GK2: variants seen among roughly 807,000 people sequenced by gnomAD.
GK2 encodes the protein ATP:glycerol 3-phosphotransferase 2.
GK2 carries 10 observed loss-of-function variants against 9.5 expected under a neutral mutation model. That is an observed-to-expected ratio of 1.05 (90% CI 0.65 to 1.78). The LOEUF is 1.78. GK2 is among the 40% of genes most tolerant of loss of function. The probability of loss-of-function intolerance (pLI) is 0.00; values close to 1 mark genes in which losing one functional copy is unlikely to be tolerated. For missense variants in GK2, 643 were observed against 669.0 expected (o/e 0.96, Z 0.43); for synonymous variants, 228 against 229.9 (o/e 0.99, Z 0.07).
rs1482615770 is a variant in GK2, at chr4:79,406,592, C to G, written c.1609G>C (p.Val537Leu). Reference protein sequence around the residue: ...FSSLPLGFFIVSSMVMLIGAR... With the variant: ...FSSLPLGFFILSSMVMLIGAR... ...CCAATTAGCATTACCATGCTACTCACTATAAAAAATCCCAAAGGCAGACTA... is the reference window on the plus strand; with the variant it reads ...CCAATTAGCATTACCATGCTACTCAGTATAAAAAATCCCAAAGGCAGACTA... The change falls in exon 1 of 1, where the codon GTG becomes CTG. Residue 537 changes from valine to leucine, a missense_variant. Coordinates refer to ENST00000358842, the MANE Select transcript of GK2 (RefSeq NM_033214.3). 6.2e-7 allele frequency: 1 copy of G among 1,613,948 alleles called. No individual in the cohort carries two copies. Among genetic ancestry groups the G allele is most frequent in the South Asian group, 1.1e-5 (1 of 91,062 alleles).
chr4:79,407,159 G>A lies in GK2; in HGVS notation c.1042C>T (p.Leu348Phe), dbSNP rs1247494499. Residue 348 changes from leucine to phenylalanine, a missense_variant, in exon 1 of 1, where the codon CTT (leucine) becomes TTT (phenylalanine). Physicochemically the swap from Leu to Phe is conservative, Grantham distance 22 (BLOSUM62 0). Transcript: ENST00000358842. ...TAAGAAGTTCCTACTTCTTTAGCAA[G>A]TCTTTCAATGTCTCCTGAGGTCTCT... is the stretch of plus-strand genomic sequence containing the variant. ...IIETSGDIER[L>F]AKEVGTSYGC... 1 of 1,614,160 alleles carries A rather than the reference G, an allele frequency of 6.2e-7. No homozygotes were observed. The highest frequency in any genetic ancestry group is 1.1e-5 in the South Asian group (1 of 91,086).
chr4:79,406,842 T>C lies in GK2; in HGVS notation c.1359A>G (p.Glu453=). 1 of 1,614,218 alleles carries C rather than the reference T, an allele frequency of 6.2e-7. No individual in the cohort carries two copies. Among genetic ancestry groups the C allele is most frequent in the African/African-American group, 1.3e-5 (1 of 75,052 alleles). The change falls in exon 1 of 1, where the codon GAA becomes GAG. Residue 453 remains glutamate, a synonymous_variant. Transcript: ENST00000358842. ...CCATGGCAGCTCCTAGTGCAGTTGT[T>C]TCAGGCATAAAGGGTTTTATTACTG... ...HIPVIKPFMP[E]TTALGAAMAA...
At position 79,406,790 on chromosome 4, in the gene GK2, C is replaced by T. The variant is rs148945495; in HGVS notation, c.1411G>A (p.Val471Ile). ...MAAGAAEGVS[V>I]WSLEPQALSV... ...AAAGCCTGGGGTTCAAGGCTCCAAA[C>T]GCTTACTCCCTCTGCAGCCCCTGCT... The change falls in exon 1 of 1, where the codon GTT becomes ATT. Residue 471 changes from valine to isoleucine, a missense_variant. Transcript: ENST00000358842. The T allele has an allele frequency of 3.0e-4, 490 of 1,614,186 alleles. 7 individuals carry two copies. The South Asian group carries it at 3.7e-3, about 12-fold the overall frequency.
In GK2 at chr4:79,407,683, G is replaced by A; in HGVS notation, c.518C>T (p.Ala173Val). The change falls in exon 1 of 1, where the codon GCT (alanine) becomes GTT (valine). Residue 173 changes from alanine to valine, a missense_variant. Ala to Val is a moderately conservative substitution (Grantham distance 64, BLOSUM62 0). Transcript: ENST00000358842. ...NVQKAVEEGR[A>V]LFGTIDSWLI... ...CCATGAATCAATGGTACCAAAAAGA[G>A]CTCTACCTTCTTCAACAGCCTTTTG... The A allele has an allele frequency of 5.6e-6, 9 of 1,614,170 alleles. No individual in the cohort carries two copies. The highest frequency in any genetic ancestry group is 7.6e-6 in the Non-Finnish European group (9 of 1,180,028).
chr4:79,407,738 G>A lies in GK2; in HGVS notation c.463C>T (p.Arg155Cys), dbSNP rs1321996211. 2 of 1,614,076 alleles carry A rather than the reference G, an allele frequency of 1.2e-6. No homozygotes were observed. Among genetic ancestry groups the A allele is most frequent in the Non-Finnish European group, 1.7e-6 (2 of 1,179,976 alleles). ...TTTCTCACATTGTCAAGCATCCAAC[G>A]AAGTTTTACTGCACTGAAGTAAGTG... The part of the protein sequence containing the change: ...LSTYFSAVKL[R>C]WMLDNVRNVQ... Residue 155 changes from arginine (R) to cysteine (C), a missense_variant, in exon 1 of 1, where the codon CGT becomes TGT. Arg to Cys is a radical substitution (Grantham distance 180). Transcript: ENST00000358842.
chr4:79,406,673 A>ACTTCATTAC lies in GK2; in HGVS notation c.1519_1527dup (p.Val507_Lys509dup). ...GACTGACTGGTAACCCAACCCATTGACTTCATTACGGCTTTCTTCCATGTG... is the reference window on the plus strand; with the variant it reads ...GACTGACTGGTAACCCAACCCATTGACTTCATTACCTTCATTACGGCTTTCTTCCATGTG... On this transcript the variant is annotated inframe_insertion, in exon 1 of 1. Coordinates refer to ENST00000358842, the MANE Select transcript of GK2 (RefSeq NM_033214.3). The ACTTCATTAC allele has an allele frequency of 6.2e-7, 1 of 1,614,088 alleles. No homozygotes were observed. The highest frequency in any genetic ancestry group is 8.5e-7 in the Non-Finnish European group (1 of 1,179,938).
At position 79,408,038 on chromosome 4, in the gene GK2, G is replaced by C; in HGVS notation, c.163C>G (p.Gln55Glu). ...GACTGAAGAATTTCTTTAGGGTCTT[G>C]TTCCACCCATCCTTCTTTTGGGAAC... is the stretch of plus-strand genomic sequence containing the variant. ...QEFPKEGWVE[Q>E]DPKEILQSVY... The change falls in exon 1 of 1, where the codon CAA (glutamine) becomes GAA (glutamate). Residue 55 changes from glutamine (Q) to glutamate (E), a missense_variant. Physicochemically the swap from Gln to Glu is conservative, Grantham distance 29. Transcript: ENST00000358842. The C allele has an allele frequency of 5.6e-6, 9 of 1,614,176 alleles. No individual in the cohort carries two copies. Among genetic ancestry groups the C allele is most frequent in the Non-Finnish European group, 7.6e-6 (9 of 1,180,006 alleles).
rs1052314 is a variant in GK2 at position 79,406,512 on chromosome 4, C to A, written c.*27G>T. ...ATGCTTTCATTATGTAAAATGTTTA[C>A]ATCTTGGGACTCCATAGCTGGTATT... On this transcript the variant is annotated 3_prime_UTR_variant, in exon 1 of 1. Transcript: ENST00000358842. 1 of 1,326,374 alleles carries A rather than the reference C, an allele frequency of 7.5e-7. No homozygotes were observed. The highest frequency in any genetic ancestry group is 1.1e-6 in the Non-Finnish European group (1 of 929,054). The allele number at this position is 1,326,374 out of a possible 1,614,324, so 82.2% of individuals were successfully genotyped here. A position where few individuals can be genotyped will look rare whatever the true frequency, so the allele number is the denominator to read the frequency against.
rs1355677870 is a variant in GK2, at chr4:79,407,016, A to G, written c.1185T>C (p.Ala395=). 5.0e-6 allele frequency: 8 copies of G among 1,614,132 alleles called. No individual in the cohort carries two copies. In the African/African-American group the frequency reaches 5.3e-5, roughly 11 times the overall value. The change falls in exon 1 of 1, where the codon GCT becomes GCC. Residue 395 remains alanine, a synonymous_variant. Coordinates refer to ENST00000358842, the MANE Select transcript of GK2 (RefSeq NM_033214.3). Reference sequence around the variant, plus strand: ...TTTGGAAACAAACAGCTTCTAATGCAGCAAAAGCAATATGACATTTATTGG... The same window carrying G: ...TTTGGAAACAAACAGCTTCTAATGCGGCAAAAGCAATATGACATTTATTGG... The part of the protein sequence containing the change: ...QFTNKCHIAF[A]ALEAVCFQTR...
chr4:79,407,973 G>A lies in GK2; in HGVS notation c.228C>T (p.Asp76=), dbSNP rs2110046594. Residue 76 remains aspartate (D), a synonymous_variant, in exon 1 of 1, where the codon GAC becomes GAT. Coordinates refer to ENST00000358842, the MANE Select transcript of GK2 (RefSeq NM_033214.3). ...ECIARTCEKL[D]ELNIDISNIK... is the part of the protein sequence containing the mutation. Reference sequence around the variant, plus strand: ...TGTTGGATATATCAATATTCAGTTCGTCAAGTTTCTCACACGTTCTCGCTA... The same window carrying A: ...TGTTGGATATATCAATATTCAGTTCATCAAGTTTCTCACACGTTCTCGCTA... 6.8e-6 allele frequency: 11 copies of A among 1,613,996 alleles called. No individual in the cohort carries two copies. Among genetic ancestry groups the A allele is most frequent in the South Asian group, 1.1e-5 (1 of 91,054 alleles).
At position 79,408,116 on chromosome 4, in the gene GK2, T is replaced by G. The variant is rs933639810; in HGVS notation, c.85A>C (p.Asn29His). 1.2e-6 allele frequency: 2 copies of G among 1,614,062 alleles called. No individual in the cohort carries two copies. Among genetic ancestry groups the G allele is most frequent in the Non-Finnish European group, 1.7e-6 (2 of 1,180,008 alleles). ...GTNSTRFLVF[N>H]SKTAELLSHH... The stretch of plus-strand genomic sequence containing the variant: ...CTAAGTAGTTCCGCTGTTTTTGAAT[T>G]GAAAACCAGAAAGCGAGTGGAGTTG... Residue 29 changes from asparagine (N) to histidine (H), a missense_variant, in exon 1 of 1, where the codon AAT (asparagine) becomes CAT (histidine). Physicochemically the swap from Asn to His is moderately conservative, Grantham distance 68. Coordinates refer to ENST00000358842, the MANE Select transcript of GK2 (RefSeq NM_033214.3).
Position 79,406,740 on chromosome 4 carries a change from A to C in GK2, c.1461T>G (p.Phe487Leu). Reference sequence around the variant, plus strand: ...TTTCTGTGGCCTGGATCTGTGGTTCAAATCGTTCCATCCTGAGAACTGACA... The same window carrying C: ...TTTCTGTGGCCTGGATCTGTGGTTCCAATCGTTCCATCCTGAGAACTGACA... ...QALSVLRMER[F>L]EPQIQATESE... The change falls in exon 1 of 1, where the codon TTT (phenylalanine) becomes TTG (leucine). Residue 487 changes from phenylalanine (F) to leucine (L), a missense_variant. Coordinates refer to ENST00000358842, the MANE Select transcript of GK2 (RefSeq NM_033214.3). 1 of 1,614,218 alleles carries C rather than the reference A, an allele frequency of 6.2e-7. No individual in the cohort carries two copies. Among genetic ancestry groups the C allele is most frequent in the Non-Finnish European group, 8.5e-7 (1 of 1,180,038 alleles).
Position 79,406,464 on chromosome 4 carries a change from A to G in GK2, c.*75T>C. 1.2e-6 allele frequency: 1 copy of G among 860,574 alleles called. No individual in the cohort carries two copies. Among genetic ancestry groups the G allele is most frequent in the South Asian group, 1.7e-5 (1 of 59,020 alleles). 53.3% of individuals were successfully genotyped at this position (860,574 alleles called of 1,614,324 possible). ...AATCAGAGTCTATAATAGTGTCATT[A>G]TATTAAGAGGCAGAACTGCTATATG... On this transcript the variant is annotated 3_prime_UTR_variant, in exon 1 of 1. Transcript: ENST00000358842.
chr4:79,407,470 T>G lies in GK2; in HGVS notation c.731A>C (p.Lys244Thr). 6.2e-7 allele frequency: 1 copy of G among 1,614,180 alleles called. No individual in the cohort carries two copies. The highest frequency in any genetic ancestry group is 1.1e-5 in the South Asian group (1 of 91,086). ...TGGCACACCTTCCAGGGCTCCAGTT[T>G]TAATTAGGCCATAGATCTCAGAAGA... ...FSSSEIYGLI[K>T]TGALEGVPIS... is the part of the protein sequence containing the mutation. Residue 244 changes from lysine (K) to threonine (T), a missense_variant, in exon 1 of 1, where the codon AAA (lysine) becomes ACA (threonine). Coordinates refer to ENST00000358842, the MANE Select transcript of GK2 (RefSeq NM_033214.3).
At position 79,407,172 on chromosome 4, in the gene GK2, T is replaced by C; in HGVS notation, c.1029A>G (p.Gly343=). 1 of 1,614,180 alleles carries C rather than the reference T, an allele frequency of 6.2e-7. No homozygotes were observed. Among genetic ancestry groups the C allele is most frequent in the Non-Finnish European group, 8.5e-7 (1 of 1,180,034 alleles). Residue 343 remains glycine (G), a synonymous_variant, in exon 1 of 1, where the codon GGA becomes GGG. Coordinates refer to ENST00000358842, the MANE Select transcript of GK2 (RefSeq NM_033214.3). The part of the protein sequence containing the change: ...RDNLGIIETS[G]DIERLAKEVG... ...CTTCTTTAGCAAGTCTTTCAATGTC[T>C]CCTGAGGTCTCTATAATTCCAAGAT...
chr4:79,406,693 C>T lies in GK2; in HGVS notation c.1508G>A (p.Trp503Ter). The change falls in exon 1 of 1, where the codon TGG becomes TAG. Residue 503 changes from tryptophan to a stop codon, truncating the protein, a stop_gained. Transcript: ENST00000358842. LOFTEE classifies it low-confidence loss of function (END_TRUNC). ...ATESEIRYAT[W>*]KKAVMKSMGW... ...CATTGACTTCATTACGGCTTTCTTC[C>T]ATGTGGCATAACGAATTTCACTTTC... 6.2e-7 allele frequency: 1 copy of T among 1,614,200 alleles called. No homozygotes were observed. Among genetic ancestry groups the T allele is most frequent in the Non-Finnish European group, 8.5e-7 (1 of 1,180,038 alleles).
rs1725874967 is a variant in GK2 at position 79,407,231 on chromosome 4, T to C, written c.970A>G (p.Ile324Val). 3.1e-6 allele frequency: 5 copies of C among 1,614,242 alleles called. No homozygotes were observed. Among genetic ancestry groups the C allele is most frequent in the East Asian group, 4.5e-5 (2 of 44,888 alleles). ...AYYALEGSVAIAGAVIRWLRD... is the reference protein window; with the variant it reads ...AYYALEGSVAVAGAVIRWLRD... ...AGCCAACGAATAACAGCACCTGCTA[T>C]AGCAACAGAACCTTCCAGTGCATAA... The change falls in exon 1 of 1, where the codon ATA (isoleucine) becomes GTA (valine). Residue 324 changes from isoleucine to valine, a missense_variant. Transcript: ENST00000358842.
chr4:79,408,118 A>G lies in GK2; in HGVS notation c.83T>C (p.Phe28Ser). ...QGTNSTRFLV[F>S]NSKTAELLSH... ...AAGTAGTTCCGCTGTTTTTGAATTGAAAACCAGAAAGCGAGTGGAGTTGGT... is the reference window on the plus strand; with the variant it reads ...AAGTAGTTCCGCTGTTTTTGAATTGGAAACCAGAAAGCGAGTGGAGTTGGT... The change falls in exon 1 of 1, where the codon TTC becomes TCC. Residue 28 changes from phenylalanine (F) to serine (S), a missense_variant. By Grantham distance (155) the Phe-to-Ser change is radical. Coordinates refer to ENST00000358842, the MANE Select transcript of GK2 (RefSeq NM_033214.3). The G allele has an allele frequency of 4.3e-6, 7 of 1,614,164 alleles. No homozygotes were observed. Among genetic ancestry groups the G allele is most frequent in the Non-Finnish European group, 5.9e-6 (7 of 1,179,994 alleles).
At position 79,407,949 on chromosome 4, in the gene GK2, G is replaced by A; in HGVS notation, c.252C>T (p.Asn84=). ...KLDELNIDIS[N]IKAVGVSNQR... The stretch of plus-strand genomic sequence containing the variant: ...GATTGCTGACACCAACAGCTTTTAT[G>A]TTGGATATATCAATATTCAGTTCGT... Residue 84 remains asparagine (N), a synonymous_variant, in exon 1 of 1, where the codon AAC becomes AAT. Coordinates refer to ENST00000358842, the MANE Select transcript of GK2 (RefSeq NM_033214.3). The A allele has an allele frequency of 1.2e-6, 2 of 1,614,082 alleles. No individual in the cohort carries two copies. The highest frequency in any genetic ancestry group is 1.7e-6 in the Non-Finnish European group (2 of 1,179,938).
Sources: allele counts gnomAD v4.1 joint callset, GRCh38; gene constraint gnomAD v4.1.1; transcripts MANE v1.5; gene names NCBI Gene and HGNC (gene_info 2026-07-23, HGNC 2026-07-21).